Variants in IRF2 observed in about 807,000 individuals in gnomAD.
IRF2 encodes the protein interferon regulatory factor 2.
Under a neutral mutation model 40.6 loss-of-function variants are expected in IRF2, and 15 were observed. That is an observed-to-expected ratio of 0.37 (90% CI 0.25 to 0.57). IRF2 has a LOEUF of 0.57. IRF2 is among the 20% of genes least tolerant of loss of function. The pLI is 0.77. For synonymous variants in IRF2, 151 were observed against 165.5 expected (o/e 0.91, Z 0.67); for missense variants, 317 against 455.7 (o/e 0.70, Z 2.77).
intron 1 of IRF2, among the ~76,000 whole-genome samples, chr4:184,429,616 G>A (rs997843529): frequency 2.0e-5 from 3 of 152,126 alleles, no homozygotes; most frequent in Non-Finnish European, 2.9e-5. Context: ...CCAACTACCC[G>A]TCCCTCCTGA....
chr4:184,468,479 C>T (rs1739407358), intron 1 of IRF2, among the ~76,000 whole-genome samples: 1 of 142,412 alleles, frequency 7.0e-6, no homozygotes, highest in South Asian at 2.3e-4. Flanking sequence ...AAGATCGAGA[C>T]TCTTTCTCAA....
chr4:184,389,143 G>A, intron 8 of IRF2, 77 bp from the exon 9 acceptor site: 1 of 1,419,004 alleles, frequency 7.0e-7, no homozygotes, highest in Non-Finnish European at 9.9e-7. Flanking sequence ...TCACTGGCCA[G>A]GTGTGGTGGC....
intron 6 of IRF2, among the ~76,000 whole-genome samples, chr4:184,402,952 G>T (rs1259809546): frequency 6.6e-6 from 1 of 152,196 alleles, no homozygotes; most frequent in Non-Finnish European, 1.5e-5. Context: ...GGGGAAAAAA[G>T]TAGATAAGCA....
chr4:184,414,196 T>A (rs1396426152), intron 5 of IRF2, among the ~76,000 whole-genome samples: 1 of 152,232 alleles, frequency 6.6e-6, no homozygotes, highest in Non-Finnish European at 1.5e-5. Context: ...CTCAAAAATA[T>A]CAACTAGCAC....
rs1736967227 is a variant in IRF2, at chr4:184,408,864, C to T, written c.412-589G>A. Among the ~76,000 whole-genome samples, 1 of 152,246 alleles carries T rather than the reference C, an allele frequency of 6.6e-6. No individual in the cohort carries two copies. The highest frequency in any genetic ancestry group is 6.5e-5 in the Admixed American group (1 of 15,286). On this transcript the variant is annotated intron_variant, in intron 5 of 8. Transcript: ENST00000393593. The surrounding 1 kb of genome is among the most constrained non-coding windows in gnomAD (Gnocchi z 4.9). ...TGGCCTGAGTCCAGCCGGGCAACCC[C>T]ACACCATGGGCTTTACATAAATGCC...
At chr4:184,455,620 T>A (rs79281091) in intron 1 of IRF2, among the ~76,000 whole-genome samples, 2,141 of 152,076 alleles carry the variant, frequency 0.014, 21 homozygotes, top group Middle Eastern at 0.027. Context: ...AGTGGATGAA[T>A]CCCTCCTGGA....
intron 1 of IRF2, among the ~76,000 whole-genome samples, chr4:184,471,265 C>T (rs1208778073): frequency 2.0e-5 from 3 of 152,200 alleles, no homozygotes; most frequent in Middle Eastern, 3.4e-3. Flanking sequence ...TATTATTATC[C>T]TCCTTACAGC....
At chr4:184,429,098 C>G in intron 1 of IRF2, 28 bp from the exon 2 acceptor site, 1 of 1,549,984 alleles carries the variant, frequency 6.5e-7, no homozygotes, top group East Asian at 2.3e-5. Flanking sequence ...CAGCGTCAGG[C>G]GTTGGTGCCA....
intron 1 of IRF2, among the ~76,000 whole-genome samples, chr4:184,462,991 C>G (rs1327664367): frequency 6.6e-6 from 1 of 152,204 alleles, no homozygotes; most frequent in Non-Finnish European, 1.5e-5. Flanking sequence ...GATCCTGGCT[C>G]TCAAATAACT....
chr4:184,406,857 A>G (rs574110069), intron 6 of IRF2, among the ~76,000 whole-genome samples: 38 of 152,360 alleles, frequency 2.5e-4, no homozygotes, highest in Non-Finnish European at 4.0e-4. Flanking sequence ...AAAGACAGGC[A>G]AGTTTGGAAA....
At chr4:184,460,403 T>C (rs1739091603) in intron 1 of IRF2, among the ~76,000 whole-genome samples, 2 of 152,224 alleles carry the variant, frequency 1.3e-5, no homozygotes, top group Non-Finnish European at 2.9e-5. Flanking sequence ...GTGGTGATGC[T>C]TAGGCAACCT....
chr4:184,418,408 G>T (rs958271630), intron 4 of IRF2, 124 bp downstream of exon 4: 2 of 1,000,096 alleles, frequency 2.0e-6, no homozygotes, highest in Admixed American at 2.0e-5. Flanking sequence ...GGGGCGGAAT[G>T]ATCCCCTACA....
At chr4:184,393,312 T>G (rs1736325187) in intron 7 of IRF2, among the ~76,000 whole-genome samples, 1 of 152,268 alleles carries the variant, frequency 6.6e-6, no homozygotes, top group Non-Finnish European at 1.5e-5. Context: ...TATGCTTAGC[T>G]TTCTTTGTGC....
intron 1 of IRF2, among the ~76,000 whole-genome samples, chr4:184,460,656 CAT>C (rs1029493389): frequency 9.5e-5 from 12 of 126,384 alleles, no homozygotes; most frequent in East Asian, 2.6e-4. Flanking sequence ...CACACACACA[CAT>C]GCACGCGCAC....
chr4:184,399,568 T>C (rs1432418706), intron 6 of IRF2, among the ~76,000 whole-genome samples: 2 of 152,220 alleles, frequency 1.3e-5, no homozygotes, highest in Admixed American at 6.5e-5. Flanking sequence ...ATCTACCCAA[T>C]TGTGTCACAT....
intron 2 of IRF2, among the ~76,000 whole-genome samples, chr4:184,423,465 G>A (rs1038821286): frequency 2.6e-5 from 4 of 152,126 alleles, no homozygotes; most frequent in Admixed American, 2.6e-4. Flanking sequence ...TTTGCAAGAC[G>A]TTCCAATTAG....
chr4:184,466,146 G>C (rs1739311721), intron 1 of IRF2, among the ~76,000 whole-genome samples: 1 of 151,800 alleles, frequency 6.6e-6, no homozygotes, highest in Admixed American at 6.6e-5. Flanking sequence ...CGCCGCCTGG[G>C]TTCAAGCGAT....
At chr4:184,397,568 A>G (rs1193927581) in intron 7 of IRF2, among the ~76,000 whole-genome samples, 3 of 152,152 alleles carry the variant, frequency 2.0e-5, no homozygotes, top group Non-Finnish European at 4.4e-5. Flanking sequence ...GGAAAATGAG[A>G]TTAGACTTAG....
intron 2 of IRF2, among the ~76,000 whole-genome samples, chr4:184,427,072 G>A (rs1190129001): frequency 6.6e-6 from 1 of 152,176 alleles, no homozygotes; most frequent in Non-Finnish European, 1.5e-5. Flanking sequence ...TGGCTCTCCA[G>A]CTCCCCTTTA....
Sources: gnomAD v4.1 joint callset for allele counts (sites outside exome capture counted in the v4.1 genomes callset) on GRCh38, gnomAD v4.1.1 for gene constraint, Gnocchi (gnomAD v3.1) non-coding constraint, MANE v1.5 for transcripts, NCBI Gene and HGNC (gene_info 2026-07-23, HGNC 2026-07-21) for gene names.